Variants in ACTR3C observed in about 807,000 individuals in gnomAD.
The protein encoded by ACTR3C is actin related protein 3C.
In ACTR3C, 18 loss-of-function variants were observed where a neutral mutation model predicts 26.3. That is an observed-to-expected ratio of 0.68 (90% CI 0.47 to 1.01). The LOEUF (loss-of-function observed/expected upper bound fraction) is 1.01. ACTR3C is among the 50% of genes least tolerant of loss of function. The probability of loss-of-function intolerance (pLI) is 0.00; values close to 1 mark genes in which losing one functional copy is unlikely to be tolerated. For synonymous variants in ACTR3C, 55 were observed against 94.5 expected (o/e 0.58, Z 2.42); for missense variants, 184 against 250.7 (o/e 0.73, Z 1.80).
At chr7:150,314,416 G>A in intron 1 of ACTR3C, among the ~76,000 whole-genome samples, 1 of 152,110 alleles carries the variant, frequency 6.6e-6, no homozygotes, top group East Asian at 1.9e-4. Context: ...AGAAGAGAGT[G>A]ATCCGCCTCT....
the ACTR3C span, among the ~76,000 whole-genome samples, chr7:149,995,821 G>C: frequency 1.3e-5 from 2 of 152,282 alleles, no homozygotes; most frequent in African/African-American, 4.8e-5. Context: ...AGGACCAGCA[G>C]CACGCTGCAC....
At chr7:150,289,212 G>C (rs1325501610) in intron 4 of ACTR3C, among the ~76,000 whole-genome samples, 1 of 151,946 alleles carries the variant, frequency 6.6e-6, no homozygotes, top group Non-Finnish European at 1.5e-5. Flanking sequence ...CTGCACGCTG[G>C]TACGCTGTAC....
the ACTR3C span, among the ~76,000 whole-genome samples, chr7:150,006,758 A>G: frequency 2.6e-5 from 4 of 152,104 alleles, no homozygotes; most frequent in Non-Finnish European, 2.9e-5. Flanking sequence ...GTGGCTTTGT[A>G]TTCCCAAAAA....
chr7:150,236,290 C>T, the ACTR3C span, among the ~76,000 whole-genome samples: 1 of 152,190 alleles, frequency 6.6e-6, no homozygotes, highest in African/African-American at 2.4e-5. Flanking sequence ...AACACTTCCA[C>T]AATTAAGTTA....
At chr7:150,153,343 C>T in the ACTR3C span, among the ~76,000 whole-genome samples, 1 of 148,542 alleles carries the variant, frequency 6.7e-6, no homozygotes, top group East Asian at 2.1e-4. Flanking sequence ...GGCTAATATC[C>T]AGAATCTACA....
the ACTR3C span, among the ~76,000 whole-genome samples, chr7:150,124,798 T>C: frequency 0.011 from 1,736 of 152,288 alleles, 32 homozygotes; most frequent in African/African-American, 0.04. Flanking sequence ...ACAAGAATGA[T>C]AGTAAATGAA....
the ACTR3C span, among the ~76,000 whole-genome samples, chr7:149,906,943 C>T: frequency 0.015 from 162 of 10,778 alleles, 4 homozygotes; most frequent in Middle Eastern, 0.051. Context: ...TATCCTCCAA[C>T]GACTTAAGAA....
At chr7:149,962,301 A>G in the ACTR3C span, among the ~76,000 whole-genome samples, 129 of 152,146 alleles carry the variant, frequency 8.5e-4, 1 homozygote, top group Non-Finnish European at 1.4e-3. Flanking sequence ...ACTTACAGGA[A>G]GTGTATGCTC....
chr7:150,100,629 C>A, the ACTR3C span, among the ~76,000 whole-genome samples: 5 of 151,256 alleles, frequency 3.3e-5, no homozygotes, highest in African/African-American at 1.2e-4. Flanking sequence ...CATTGCAAAG[C>A]AAATTTACTT....
rs1339039132 is a variant in ACTR3C, at chr7:150,269,373, C to T, written c.564+15380G>A. Among the ~76,000 whole-genome samples, 2 of 147,470 alleles carry T rather than the reference C, an allele frequency of 1.4e-5. 1 individual carries two copies. The highest frequency in any genetic ancestry group is 3.0e-5 in the Non-Finnish European group (2 of 67,362). On this transcript the variant is annotated intron_variant, in intron 6 of 7. Transcript: ENST00000683684. ...GGGGATGCCCAAAGGCCTCACACTC[C>T]CCCCGCTGTCTGGTGCTGGGGCCTG...
the ACTR3C span, among the ~76,000 whole-genome samples, chr7:150,214,005 T>A: frequency 5.6e-4 from 82 of 146,658 alleles, no homozygotes; most frequent in Non-Finnish European, 1.2e-3. Flanking sequence ...TCTCTAGTTG[T>A]CCCCTGAGTC....
chr7:150,091,698 C>T, the ACTR3C span, among the ~76,000 whole-genome samples: 8 of 126,272 alleles, frequency 6.3e-5, no homozygotes, highest in African/African-American at 2.3e-4. Context: ...AAATAATATT[C>T]CTGGCCGGGC....
chr7:150,236,655 A>C, the ACTR3C span, among the ~76,000 whole-genome samples: 3 of 152,050 alleles, frequency 2.0e-5, no homozygotes, highest in Non-Finnish European at 4.4e-5. Flanking sequence ...AAATAGTTCA[A>C]AATTGCCTTT....
At chr7:150,216,513 TGAGTA>T in the ACTR3C span, among the ~76,000 whole-genome samples, 3 of 152,224 alleles carry the variant, frequency 2.0e-5, no homozygotes, top group African/African-American at 4.8e-5. Flanking sequence ...ACTAGCCTCC[TGAGTA>T]GATAGGACCT....
At chr7:150,127,193 C>T in the ACTR3C span, among the ~76,000 whole-genome samples, 4 of 148,180 alleles carry the variant, frequency 2.7e-5, no homozygotes, top group South Asian at 2.2e-4. Flanking sequence ...CACACACGAG[C>T]GATGGTGAAC....
At chr7:150,148,183 G>GGA in the ACTR3C span, among the ~76,000 whole-genome samples, 2 of 145,468 alleles carry the variant, frequency 1.4e-5, no homozygotes, top group African/African-American at 2.5e-5. Context: ...AAGAAAAGGG[G>GGA]AAAAAAAAAA....
chr7:150,312,172 A>G (rs1465040589), intron 1 of ACTR3C, among the ~76,000 whole-genome samples: 1 of 152,154 alleles, frequency 6.6e-6, no homozygotes, highest in African/African-American at 2.4e-5. Context: ...GAAGGCCAGT[A>G]TTTTTCTTTC....
chr7:150,156,130 C>T, the ACTR3C span, among the ~76,000 whole-genome samples: 305 of 151,636 alleles, frequency 2.0e-3, no homozygotes, highest in Non-Finnish European at 3.1e-3. Flanking sequence ...TCTGGACAAT[C>T]TGCTGTCCAG....
chr7:150,293,868 C>A (rs542140099), intron 2 of ACTR3C, among the ~76,000 whole-genome samples: 9 of 152,054 alleles, frequency 5.9e-5, no homozygotes, highest in African/African-American at 2.2e-4. Context: ...CCCAGAAGGT[C>A]GCAGCTAGAG....
Sources: allele counts gnomAD v4.1 joint callset (sites outside exome capture counted in the v4.1 genomes callset), GRCh38; gene constraint gnomAD v4.1.1; transcripts MANE v1.5; gene names NCBI Gene and HGNC (gene_info 2026-07-23, HGNC 2026-07-21).